Variants in PAK1 observed in about 807,000 individuals in gnomAD.
PAK1 encodes p21 (RAC1) activated kinase 1.
Under a neutral mutation model 67.4 loss-of-function variants are expected in PAK1, and 29 were observed. That is an observed-to-expected ratio of 0.43 (90% CI 0.32 to 0.59). PAK1 has a LOEUF of 0.59. Ranked by LOEUF, PAK1 falls within the 20% of genes least tolerant of loss-of-function variation. PAK1 has a pLI of 0.07. For synonymous variants in PAK1, 223 were observed against 237.4 expected, an observed-to-expected ratio of 0.94 and a Z score of 0.56; for missense variants, 337 against 670.7, an observed-to-expected ratio of 0.50 and a Z score of 5.50.
intron 1 of PAK1, among the ~76,000 whole-genome samples, chr11:77,463,457 T>C (rs1343164511): frequency 1.3e-5 from 2 of 152,224 alleles, no homozygotes; most frequent in Admixed American, 6.5e-5. Flanking sequence ...AAAATTTTTA[T>C]GAAAAATTCA....
At chr11:77,509,113 C>T in the PAK1 span, among the ~76,000 whole-genome samples, 10 of 151,446 alleles carry the variant, frequency 6.6e-5, no homozygotes, top group Non-Finnish European at 1.3e-4. Flanking sequence ...AAAAAATTAG[C>T]TGGGTGCAGT....
At chr11:77,375,376 T>C (rs1476476846) in intron 4 of PAK1, among the ~76,000 whole-genome samples, 4 of 152,168 alleles carry the variant, frequency 2.6e-5, no homozygotes, top group African/African-American at 9.7e-5. Context: ...TCTATATCCA[T>C]ATCTACTGCC....
the PAK1 span, among the ~76,000 whole-genome samples, chr11:77,497,120 G>A: frequency 6.6e-6 from 1 of 152,094 alleles, no homozygotes; most frequent in Non-Finnish European, 1.5e-5. Flanking sequence ...AGAGGAGCAG[G>A]ACAGGGTGTG....
intron 1 of PAK1, among the ~76,000 whole-genome samples, chr11:77,461,502 T>C (rs1040575729): frequency 8.5e-5 from 13 of 152,226 alleles, no homozygotes; most frequent in Non-Finnish European, 1.6e-4. Context: ...CAGTAGAACA[T>C]TGACTGACAC....
chr11:77,354,401 G>A (rs1945718857), intron 7 of PAK1, among the ~76,000 whole-genome samples: 1 of 152,098 alleles, frequency 6.6e-6, no homozygotes, highest in African/African-American at 2.4e-5. Flanking sequence ...ATTTGCAAAT[G>A]AGACAAGTAT....
At chr11:77,447,952 C>T (rs764380161) in intron 1 of PAK1, among the ~76,000 whole-genome samples, 1 of 152,180 alleles carries the variant, frequency 6.6e-6, no homozygotes, top group African/African-American at 2.4e-5. Flanking sequence ...CTCCTCATTC[C>T]ACCACACTCC....
the PAK1 span, among the ~76,000 whole-genome samples, chr11:77,528,349 G>T: frequency 1.3e-5 from 2 of 148,466 alleles, no homozygotes; most frequent in Admixed American, 6.7e-5. Context: ...GTTTGTATGT[G>T]TTACATATGT....
chr11:77,445,901 C>T (rs1956576399), intron 1 of PAK1, among the ~76,000 whole-genome samples: 1 of 152,124 alleles, frequency 6.6e-6, no homozygotes, highest in South Asian at 2.1e-4. Flanking sequence ...TACAGGGCTC[C>T]TTCTCATCAC....
At chr11:77,333,528 G>C (rs1451586708) in intron 13 of PAK1, among the ~76,000 whole-genome samples, 3 of 152,028 alleles carry the variant, frequency 2.0e-5, no homozygotes, top group Non-Finnish European at 4.4e-5. Context: ...ACATCTGAAG[G>C]GTTTATTATC....
rs1441379962 is a variant in PAK1, at chr11:77,458,079, G to A, written c.-22+15473C>T. ...TAATGGAGGAATAAGCATACATAGA[G>A]GGGATTCTTGTTATGTGAGGATAAC... is the stretch of plus-strand genomic sequence containing the variant. On this transcript the variant is annotated intron_variant, in intron 1 of 14. Transcript: ENST00000356341. Among the ~76,000 whole-genome samples, 4 of 152,302 alleles carry A rather than the reference G, an allele frequency of 2.6e-5. No individual in the cohort carries two copies. The East Asian group carries it at 5.8e-4, about 22-fold the overall frequency.
chr11:77,445,480 A>G (rs1241991258), intron 1 of PAK1, among the ~76,000 whole-genome samples: 1 of 152,200 alleles, frequency 6.6e-6, no homozygotes, highest in Non-Finnish European at 1.5e-5. Flanking sequence ...AAGTTTTTTA[A>G]GGGCAGAAAC....
At chr11:77,423,736 C>T (rs1955407087) in intron 1 of PAK1, among the ~76,000 whole-genome samples, 1 of 152,174 alleles carries the variant, frequency 6.6e-6, no homozygotes, top group Non-Finnish European at 1.5e-5. Flanking sequence ...GCCCTATCAC[C>T]TCTGTCTCAA....
chr11:77,508,078 T>C, the PAK1 span, among the ~76,000 whole-genome samples: 475 of 152,346 alleles, frequency 3.1e-3, 3 homozygotes, highest in African/African-American at 0.011. Context: ...CAGTTCTTAA[T>C]TTTTCATATA....
intron 2 of PAK1, among the ~76,000 whole-genome samples, chr11:77,382,155 A>G (rs1259541294): frequency 2.0e-5 from 3 of 152,228 alleles, no homozygotes; most frequent in African/African-American, 7.2e-5. Flanking sequence ...GATATACTAT[A>G]TAATACATCA....
intron 1 of PAK1, among the ~76,000 whole-genome samples, chr11:77,449,093 A>C (rs1249976996): frequency 6.6e-6 from 1 of 152,240 alleles, no homozygotes; most frequent in Non-Finnish European, 1.5e-5. Flanking sequence ...AGCTCGAAAG[A>C]GAAACTCCTT....
intron 2 of PAK1, among the ~76,000 whole-genome samples, chr11:77,385,894 T>C (rs1264828254): frequency 1.3e-5 from 2 of 152,158 alleles, no homozygotes; most frequent in Non-Finnish European, 2.9e-5. Flanking sequence ...GAAATATATG[T>C]GCTTTGTAAA....
At chr11:77,455,562 GTTCCT>G (rs1409069070) in intron 1 of PAK1, among the ~76,000 whole-genome samples, 4 of 98,496 alleles carry the variant, frequency 4.1e-5, no homozygotes, top group African/African-American at 2.1e-4. Flanking sequence ...TGGGGAGTTT[GTTCCT>G]GGAAGCCCAG....
At chr11:77,398,507 C>T (rs538668066) in intron 1 of PAK1, among the ~76,000 whole-genome samples, 5 of 152,296 alleles carry the variant, frequency 3.3e-5, no homozygotes, top group Admixed American at 2.6e-4. Flanking sequence ...TTGCAAATGA[C>T]AGGATCTCAT....
chr11:77,452,500 A>C (rs942595091), intron 1 of PAK1, among the ~76,000 whole-genome samples: 1 of 152,154 alleles, frequency 6.6e-6, no homozygotes, highest in Non-Finnish European at 1.5e-5. Context: ...TCAGTTTCTC[A>C]TTCATAAAAT....
Sources: gnomAD v4.1 joint callset for allele counts (sites outside exome capture counted in the v4.1 genomes callset) on GRCh38, gnomAD v4.1.1 for gene constraint, MANE v1.5 for transcripts, NCBI Gene and HGNC (gene_info 2026-07-23, HGNC 2026-07-21) for gene names.